HORMAD2: variants seen among roughly 807,000 people sequenced by gnomAD.
The protein encoded by HORMAD2 is HORMA domain containing 2.
Under a neutral mutation model 38.8 loss-of-function variants are expected in HORMAD2, and 45 were observed. That is an observed-to-expected ratio of 1.16 (90% CI 0.91 to 1.49). The LOEUF is 1.49. HORMAD2 is among the 40% of genes most tolerant of loss of function. HORMAD2 has a pLI of 0.00. For synonymous variants in HORMAD2, 126 were observed against 122.8 expected, an observed-to-expected ratio of 1.03 and a Z score of -0.17; for missense variants, 338 against 367.0, an observed-to-expected ratio of 0.92 and a Z score of 0.65.
intron 10 of HORMAD2, among the ~76,000 whole-genome samples, chr22:30,162,764 G>A (rs1318062618): frequency 6.8e-6 from 1 of 147,836 alleles, no homozygotes; most frequent in Non-Finnish European, 1.5e-5. Context: ...GTGCAGTGGC[G>A]CAATCTCGGC....
chr22:30,152,011 T>C (rs953970155), intron 10 of HORMAD2, among the ~76,000 whole-genome samples: 1 of 152,146 alleles, frequency 6.6e-6, no homozygotes, highest in Non-Finnish European at 1.5e-5. Context: ...GTTTGCTTCC[T>C]TTCCTTACCA....
Position 30,136,894 on chromosome 22 carries a change from CT to C in HORMAD2, c.819+14681del, listed in dbSNP as rs1923701269. ...TTTTCTATGTCTTTTCCAGTGCTGTCTGGAATCAATTTATTGACCACTTCTT... is the reference window on the plus strand; with the variant it reads ...TTTTCTATGTCTTTTCCAGTGCTGTCGGAATCAATTTATTGACCACTTCTT... On this transcript the variant is annotated intron_variant, in intron 10 of 10. Coordinates refer to ENST00000336726, the MANE Select transcript of HORMAD2 (RefSeq NM_152510.4). The C allele has an allele frequency of 8.6e-6, 4 of 463,018 alleles. No homozygotes were observed. In the East Asian group the frequency reaches 1.6e-4, roughly 18 times the overall value. 28.7% of individuals were successfully genotyped at this position (463,018 alleles called of 1,614,324 possible).
chr22:30,201,367 C>T, the HORMAD2 span, among the ~76,000 whole-genome samples: 3 of 151,660 alleles, frequency 2.0e-5, no homozygotes, highest in Non-Finnish European at 4.4e-5. Flanking sequence ...CTACAAAGAC[C>T]GGATTTCCAA....
chr22:30,151,166 A>G (rs754836444), intron 10 of HORMAD2, among the ~76,000 whole-genome samples: 11 of 152,136 alleles, frequency 7.2e-5, no homozygotes, highest in Non-Finnish European at 1.5e-4. Context: ...TTTATCTTGC[A>G]TCTGCTTCCT....
intron 10 of HORMAD2, among the ~76,000 whole-genome samples, chr22:30,135,357 C>T (rs1923578951): frequency 6.6e-6 from 1 of 151,842 alleles, no homozygotes; most frequent in Non-Finnish European, 1.5e-5. Flanking sequence ...ATTGCCCTAG[C>T]TTCCTGCTAG....
At chr22:30,172,901 A>G (rs1926200748) in intron 10 of HORMAD2, among the ~76,000 whole-genome samples, 1 of 151,974 alleles carries the variant, frequency 6.6e-6, no homozygotes, top group Non-Finnish European at 1.5e-5. Flanking sequence ...AAAAAAAAAA[A>G]TGGCCCAAAC....
intron 1 of HORMAD2, among the ~76,000 whole-genome samples, chr22:30,088,280 T>C (rs1418288118): frequency 2.7e-5 from 4 of 150,576 alleles, no homozygotes; most frequent in East Asian, 3.9e-4. Flanking sequence ...TACACACATA[T>C]ATACATACAT....
intron 10 of HORMAD2, among the ~76,000 whole-genome samples, chr22:30,156,389 A>G (rs770011417): frequency 1.3e-4 from 20 of 152,218 alleles, no homozygotes; most frequent in Non-Finnish European, 2.5e-4. Flanking sequence ...CAGTGGACCA[A>G]GAGCCAAATC....
At chr22:30,080,763 A>G (rs747931709) in intron 1 of HORMAD2, among the ~76,000 whole-genome samples, 3 of 152,082 alleles carry the variant, frequency 2.0e-5, no homozygotes, top group Admixed American at 6.5e-5. Flanking sequence ...TTTTCTGGAC[A>G]TGAAATCAAA....
chr22:30,203,919 CACAT>C, the HORMAD2 span, among the ~76,000 whole-genome samples: 3 of 152,204 alleles, frequency 2.0e-5, no homozygotes, highest in Non-Finnish European at 4.4e-5. Flanking sequence ...CACAAGCACA[CACAT>C]ACATGCATTT....
chr22:30,122,261 T>C (rs529588747), intron 10 of HORMAD2, 47 bp downstream of exon 10: 7 of 1,542,930 alleles, frequency 4.5e-6, no homozygotes, highest in African/African-American at 4.1e-5. Flanking sequence ...TTAAACACAA[T>C]TGATATTTTT....
the HORMAD2 span, among the ~76,000 whole-genome samples, chr22:30,191,332 G>A: frequency 2.6e-5 from 4 of 152,120 alleles, no homozygotes; most frequent in Admixed American, 6.5e-5. Flanking sequence ...AGCATTTTTT[G>A]ATAGGAAAGA....
At chr22:30,082,634 A>T (rs145099482) in intron 1 of HORMAD2, among the ~76,000 whole-genome samples, 3 of 152,096 alleles carry the variant, frequency 2.0e-5, no homozygotes, top group African/African-American at 7.2e-5. Flanking sequence ...AAAATAAAAA[A>T]TTTTTAAAAA....
At chr22:30,145,574 T>G (rs1349347970) in intron 10 of HORMAD2, among the ~76,000 whole-genome samples, 1 of 152,098 alleles carries the variant, frequency 6.6e-6, no homozygotes, top group Admixed American at 6.6e-5. Flanking sequence ...ACTGGATGGG[T>G]TTAACAGCAG....
intron 3 of HORMAD2, among the ~76,000 whole-genome samples, chr22:30,100,286 C>T (rs1433898879): frequency 6.6e-6 from 1 of 152,160 alleles, no homozygotes; most frequent in Non-Finnish European, 1.5e-5. Context: ...CACCACACAT[C>T]TACAACCATC....
In HORMAD2 at chr22:30,159,942, G is replaced by A. The variant is rs117486537; in HGVS notation, c.820-16121G>A. The stretch of plus-strand genomic sequence containing the variant: ...CCCAGCTCTAAGTTTTCATGAGTCA[G>A]GGAAAATGTGTGCACTCTGAAAAGA... On this transcript the variant is annotated intron_variant, in intron 10 of 10. Transcript: ENST00000336726. Among the ~76,000 whole-genome samples, 365 of 152,206 alleles carry A rather than the reference G, an allele frequency of 2.4e-3. 2 individuals are homozygous for A. The highest frequency in any genetic ancestry group is 8.4e-3 in the African/African-American group (347 of 41,528).
At chr22:30,134,814 A>G (rs1923548924) in intron 10 of HORMAD2, among the ~76,000 whole-genome samples, 1 of 152,176 alleles carries the variant, frequency 6.6e-6, no homozygotes, top group Non-Finnish European at 1.5e-5. Flanking sequence ...GGTAGTGTAC[A>G]CAAAGAAGAA....
At chr22:30,101,512 T>A (rs1417864141) in intron 3 of HORMAD2, among the ~76,000 whole-genome samples, 1 of 151,858 alleles carries the variant, frequency 6.6e-6, no homozygotes, top group Non-Finnish European at 1.5e-5. Flanking sequence ...GATGATGGGT[T>A]GATGGTTGCA....
intron 10 of HORMAD2, among the ~76,000 whole-genome samples, chr22:30,133,193 T>G (rs958460231): frequency 6.6e-6 from 1 of 152,124 alleles, no homozygotes; most frequent in Non-Finnish European, 1.5e-5. Context: ...TATATTCAGT[T>G]GGCTGATTTT....
Sources: allele counts gnomAD v4.1 joint callset (sites outside exome capture counted in the v4.1 genomes callset), GRCh38; gene constraint gnomAD v4.1.1; transcripts MANE v1.5; gene names NCBI Gene and HGNC (gene_info 2026-07-23, HGNC 2026-07-21).